CNKSR3: variants seen among roughly 807,000 people sequenced by gnomAD.
CNKSR3 encodes the protein CNKSR family member 3.
In CNKSR3, 36 loss-of-function variants were observed where a neutral mutation model predicts 67.7. The ratio of observed to expected loss-of-function variants is 0.53; its 90% CI spans 0.41 to 0.70. The LOEUF is 0.70. CNKSR3 is among the 30% of genes least tolerant of loss of function. CNKSR3 has a pLI of 0.00. For missense variants in CNKSR3, 630 were observed against 695.2 expected, an observed-to-expected ratio of 0.91 and a Z score of 1.05; for synonymous variants, 281 against 271.4, an observed-to-expected ratio of 1.04 and a Z score of -0.35.
rs141529763 is a variant in CNKSR3, at chr6:154,456,247, T to C, written c.53-5989A>G. Among the ~76,000 whole-genome samples, 9 of 152,262 alleles carry C rather than the reference T, an allele frequency of 5.9e-5. No individual in the cohort carries two copies. The East Asian group carries it at 1.7e-3, about 29-fold the overall frequency. On this transcript the variant is annotated intron_variant, in intron 1 of 12. Transcript: ENST00000607772. ...AGAGTGGTTCTTCCAATGTTTTGCA[T>C]TGAGTACTCTCACCTGAGTTGGGTT...
intron 12 of CNKSR3, among the ~76,000 whole-genome samples, chr6:154,407,885 A>AAAAC (rs1024694577): frequency 1.3e-4 from 19 of 151,228 alleles, no homozygotes; most frequent in African/African-American, 3.4e-4. Context: ...AAAAAAAAAA[A>AAAAC]AAAAAAAAAA....
chr6:154,467,017 A>T (rs559540202), intron 1 of CNKSR3, among the ~76,000 whole-genome samples: 2 of 152,246 alleles, frequency 1.3e-5, no homozygotes, highest in East Asian at 3.9e-4. Context: ...GGCAGGAGGC[A>T]GCAAAGAGGG....
At chr6:154,437,862 A>G (rs1162698409) in intron 4 of CNKSR3, among the ~76,000 whole-genome samples, 1 of 152,252 alleles carries the variant, frequency 6.6e-6, no homozygotes, top group African/African-American at 2.4e-5. Flanking sequence ...TAAAACAAAA[A>G]AATACCAGAG....
chr6:154,499,906 T>A (rs1261252778), intron 1 of CNKSR3, among the ~76,000 whole-genome samples: 1 of 152,218 alleles, frequency 6.6e-6, no homozygotes, highest in African/African-American at 2.4e-5. Flanking sequence ...AAACCATGTG[T>A]CTCCAGGCAT....
chr6:154,448,737 C>A (rs1202159513), intron 2 of CNKSR3, among the ~76,000 whole-genome samples: 1 of 152,186 alleles, frequency 6.6e-6, no homozygotes, highest in Admixed American at 6.5e-5. Flanking sequence ...TAAACAAGAG[C>A]AGCACATCTC....
intron 10 of CNKSR3, among the ~76,000 whole-genome samples, chr6:154,411,447 G>T (rs924435570): frequency 6.6e-6 from 1 of 152,144 alleles, no homozygotes; most frequent in African/African-American, 2.4e-5. Flanking sequence ...AGGAGTTCAA[G>T]ACCAGCCTGA....
At chr6:154,458,825 C>T (rs145632136) in intron 1 of CNKSR3, among the ~76,000 whole-genome samples, 5 of 152,094 alleles carry the variant, frequency 3.3e-5, no homozygotes, top group African/African-American at 9.7e-5. Flanking sequence ...AGTCATCCTT[C>T]GAGGTTTGTG....
At chr6:154,490,431 GTA>G (rs1288034803) in intron 1 of CNKSR3, among the ~76,000 whole-genome samples, 2 of 152,142 alleles carry the variant, frequency 1.3e-5, no homozygotes, top group African/African-American at 4.8e-5. Flanking sequence ...TATTATGCAT[GTA>G]TATATGATAT....
At chr6:154,492,774 AAAAC>A (rs942026362) in intron 1 of CNKSR3, among the ~76,000 whole-genome samples, 1 of 151,814 alleles carries the variant, frequency 6.6e-6, no homozygotes, top group African/African-American at 2.4e-5. Context: ...AACAAAAAAA[AAAAC>A]AACACAGATC....
At chr6:154,461,078 A>C (rs1359758423) in intron 1 of CNKSR3, among the ~76,000 whole-genome samples, 2 of 152,188 alleles carry the variant, frequency 1.3e-5, no homozygotes, top group Non-Finnish European at 2.9e-5. Context: ...CCCCGCATGA[A>C]TAGGGGGCGG....
chr6:154,430,126 T>C (rs1785334498), intron 6 of CNKSR3, among the ~76,000 whole-genome samples: 1 of 152,204 alleles, frequency 6.6e-6, no homozygotes, highest in African/African-American at 2.4e-5. Context: ...CTCACATTCA[T>C]CCTAAGTGCT....
intron 4 of CNKSR3, among the ~76,000 whole-genome samples, chr6:154,436,859 G>A (rs1253037152): frequency 6.6e-6 from 1 of 152,014 alleles, no homozygotes; most frequent in Non-Finnish European, 1.5e-5. Flanking sequence ...ACTTGGTGTA[G>A]GACTACAGCT....
At position 154,485,416 on chromosome 6, in the gene CNKSR3, C is replaced by G. The variant is rs77286404; in HGVS notation, c.52+24647G>C. Among the ~76,000 whole-genome samples the G allele has an allele frequency of 1.7e-3, 261 of 152,286 alleles. 3 individuals carry two copies. Among genetic ancestry groups the G allele is most frequent in the Admixed American group, 4.6e-3 (70 of 15,294 alleles). ...ATTAATCACTTACTAAAGCTCTGTTCCAGAAACAGGCACACACTGAATAAA... is the reference window on the plus strand; with the variant it reads ...ATTAATCACTTACTAAAGCTCTGTTGCAGAAACAGGCACACACTGAATAAA... On this transcript the variant is annotated intron_variant, in intron 1 of 12. Transcript: ENST00000607772.
chr6:154,451,103 G>A (rs913811001), intron 1 of CNKSR3, among the ~76,000 whole-genome samples: 1 of 151,336 alleles, frequency 6.6e-6, no homozygotes, highest in Admixed American at 6.6e-5. Context: ...TATCAGCAGT[G>A]GTACCACATA....
At chr6:154,444,727 T>C (rs1333558486) in intron 2 of CNKSR3, among the ~76,000 whole-genome samples, 3 of 151,252 alleles carry the variant, frequency 2.0e-5, no homozygotes, top group Non-Finnish European at 4.4e-5. Flanking sequence ...TGCCTCAGCC[T>C]CCCAAGTAGC....
intron 2 of CNKSR3, among the ~76,000 whole-genome samples, chr6:154,444,449 T>C (rs535856020): frequency 3.9e-4 from 59 of 152,198 alleles, no homozygotes; most frequent in African/African-American, 1.3e-3. Context: ...TCCCCTTCCA[T>C]ACAACCTGCC....
Position 154,406,499 on chromosome 6 carries a change from T to A in CNKSR3, c.1523A>T (p.Asn508Ile), listed in dbSNP as rs1387102277. 4 of 1,614,134 alleles carry A rather than the reference T, an allele frequency of 2.5e-6. No individual in the cohort carries two copies. The Admixed American group carries it at 5.0e-5, about 20-fold the overall frequency. ...CGTGGCGCTGCTGTGGAGATCTGAGTTGATGTAGCACCTGCTTCCTCGGAT... is the reference window on the plus strand; with the variant it reads ...CGTGGCGCTGCTGTGGAGATCTGAGATGATGTAGCACCTGCTTCCTCGGAT... ...DYIRGSRCYI[N>I]SDLHSSATIP... The change falls in exon 13 of 13, where the codon AAC (asparagine) becomes ATC (isoleucine). Residue 508 changes from asparagine to isoleucine, a missense_variant. Around this residue, in one of 3 missense-constraint regions of CNKSR3, gnomAD observed 308 missense variants for 299.6 expected, o/e 1.03. Transcript: ENST00000607772.
intron 1 of CNKSR3, among the ~76,000 whole-genome samples, chr6:154,474,000 G>T (rs1393345900): frequency 1.3e-5 from 2 of 151,376 alleles, no homozygotes; most frequent in Non-Finnish European, 1.5e-5. Flanking sequence ...GGCCAGGATG[G>T]TCTCGATCTC....
At chr6:154,461,286 G>A (rs978277638) in intron 1 of CNKSR3, among the ~76,000 whole-genome samples, 4 of 152,318 alleles carry the variant, frequency 2.6e-5, no homozygotes, top group Admixed American at 1.3e-4. Flanking sequence ...GTCTGAGGTG[G>A]TCAATGAAGA....
Sources: allele counts gnomAD v4.1 joint callset (sites outside exome capture counted in the v4.1 genomes callset), GRCh38; gene constraint gnomAD v4.1.1; regional missense constraint gnomAD v4.1.1; transcripts MANE v1.5; gene names NCBI Gene and HGNC (gene_info 2026-07-23, HGNC 2026-07-21).